The following MAP4K4 variants were observed in gnomAD, a reference collection of about 807,000 sequenced individuals.
MAP4K4 encodes HPK/GCK-like kinase HGK.
A neutral mutation model predicts 189.6 loss-of-function variants in MAP4K4; 38 were observed. The ratio of observed to expected loss-of-function variants is 0.20; its 90% CI spans 0.15 to 0.26. The LOEUF is 0.26. Ranked by LOEUF, MAP4K4 falls within the 10% of genes least tolerant of loss-of-function variation. The pLI, the probability that MAP4K4 is intolerant of heterozygous loss-of-function variation, is 1.00. For missense variants in MAP4K4, 1,054 were observed against 1,726.9 expected, an observed-to-expected ratio of 0.61 and a Z score of 6.91; for synonymous variants, 610 against 624.3, an observed-to-expected ratio of 0.98 and a Z score of 0.34.
chr2:101,836,522 AG>A (rs2096759889), intron 9 of MAP4K4, among the ~76,000 whole-genome samples: 1 of 151,952 alleles, frequency 6.6e-6, no homozygotes, highest in Admixed American at 6.6e-5. Flanking sequence ...CAGAAGGCAG[AG>A]GTTGTGGTGA....
intron 9 of MAP4K4, among the ~76,000 whole-genome samples, chr2:101,838,089 A>G (rs892905697): frequency 6.6e-6 from 1 of 152,242 alleles, no homozygotes; most frequent in Non-Finnish European, 1.5e-5. Flanking sequence ...AAAGATGATC[A>G]GTGTCCTTCT....
At chr2:101,737,384 A>G (rs2060630556) in intron 2 of MAP4K4, among the ~76,000 whole-genome samples, 1 of 133,168 alleles carries the variant, frequency 7.5e-6, no homozygotes, top group Non-Finnish European at 1.6e-5. Context: ...AATGCACAGT[A>G]TTGCTCCAGA....
intron 3 of MAP4K4, among the ~76,000 whole-genome samples, chr2:101,818,801 T>C (rs1384738486): frequency 6.6e-6 from 1 of 152,114 alleles, no homozygotes. Flanking sequence ...ACAAAGGCCT[T>C]TTCTGTGAGG....
chr2:101,830,001 CTT>C (rs978288047), intron 6 of MAP4K4, among the ~76,000 whole-genome samples: 1 of 152,006 alleles, frequency 6.6e-6, no homozygotes, highest in Non-Finnish European at 1.5e-5. Flanking sequence ...CAGTCACTGT[CTT>C]TTTTTTCTTT....
intron 2 of MAP4K4, among the ~76,000 whole-genome samples, chr2:101,777,552 A>G (rs2084912269): frequency 1.3e-5 from 2 of 152,206 alleles, no homozygotes; most frequent in African/African-American, 4.8e-5. Context: ...CTCTACCCAA[A>G]TGACAAGGTA....
intron 2 of MAP4K4, among the ~76,000 whole-genome samples, chr2:101,702,395 C>T (rs1397384084): frequency 1.3e-5 from 2 of 151,878 alleles, no homozygotes; most frequent in South Asian, 2.1e-4. Context: ...GGTGAAACCC[C>T]GTTTCTACTA....
At chr2:101,806,998 T>G (rs2095005430) in intron 3 of MAP4K4, among the ~76,000 whole-genome samples, 1 of 151,952 alleles carries the variant, frequency 6.6e-6, no homozygotes, top group Non-Finnish European at 1.5e-5. Flanking sequence ...GTAGTGTTGG[T>G]TCATAGCTTC....
intron 3 of MAP4K4, among the ~76,000 whole-genome samples, chr2:101,804,664 G>A (rs1337090862): frequency 6.6e-6 from 1 of 152,140 alleles, no homozygotes; most frequent in African/African-American, 2.4e-5. Context: ...TGCTGTAGCA[G>A]TGTGGCTGAC....
At chr2:101,802,324 C>G (rs1484719363) in intron 3 of MAP4K4, among the ~76,000 whole-genome samples, 1 of 152,200 alleles carries the variant, frequency 6.6e-6, no homozygotes, top group African/African-American at 2.4e-5. Context: ...ACTGTAGCAG[C>G]TGACTGAAGC....
intron 12 of MAP4K4, among the ~76,000 whole-genome samples, chr2:101,849,651 G>A (rs2097217534): frequency 6.9e-6 from 1 of 144,482 alleles, no homozygotes; most frequent in East Asian, 2.0e-4. Context: ...ATTGAATCAT[G>A]GTTTGGCATC....
intron 2 of MAP4K4, among the ~76,000 whole-genome samples, chr2:101,741,782 A>G (rs2062952318): frequency 6.6e-6 from 1 of 152,146 alleles, no homozygotes; most frequent in Non-Finnish European, 1.5e-5. Flanking sequence ...CTTTTCTAGC[A>G]TTTACCAGCT....
chr2:101,890,822 G>A (rs1158255344), intron 32 of MAP4K4, among the ~76,000 whole-genome samples: 1 of 151,722 alleles, frequency 6.6e-6, no homozygotes, highest in East Asian at 1.9e-4. Context: ...ATGCAGTGGT[G>A]TGACCTTGGC....
intron 3 of MAP4K4, among the ~76,000 whole-genome samples, chr2:101,802,343 C>G (rs2094449844): frequency 6.6e-6 from 1 of 152,180 alleles, no homozygotes; most frequent in African/African-American, 2.4e-5. Context: ...GCTTGGGAAA[C>G]AAAGTCAGAA....
intron 20 of MAP4K4, chr2:101,867,597 A>G: frequency 5.8e-6 from 2 of 346,550 alleles, no homozygotes; most frequent in Non-Finnish European, 1.0e-5. Context: ...TATAGTTCTT[A>G]TTTAATGAAA....
At chr2:101,868,132 A>G in intron 21 of MAP4K4, 95 bp downstream of exon 21, 2 of 1,339,942 alleles carry the variant, frequency 1.5e-6, no homozygotes, top group Non-Finnish European at 2.1e-6. Flanking sequence ...CTCCTTCCTC[A>G]ACTTGACTTC....
At chr2:101,828,601 C>A (rs777164800) in intron 5 of MAP4K4, among the ~76,000 whole-genome samples, 8 of 152,154 alleles carry the variant, frequency 5.3e-5, no homozygotes, top group Non-Finnish European at 1.2e-4. Context: ...TAATTCATAT[C>A]TTACAAAGTA....
intron 5 of MAP4K4, 88 bp from the exon 6 acceptor site, chr2:101,829,416 C>T (rs1448687170): frequency 1.2e-6 from 1 of 826,484 alleles, no homozygotes; most frequent in Non-Finnish European, 2.0e-6. Flanking sequence ...CTTTGGTCCA[C>T]ATGTGCACTT....
chr2:101,712,489 T>G (rs560900153), intron 2 of MAP4K4, among the ~76,000 whole-genome samples: 5 of 149,990 alleles, frequency 3.3e-5, no homozygotes, highest in African/African-American at 1.2e-4. Context: ...CCACTGTGCC[T>G]GGCCCTATTT....
intron 12 of MAP4K4, among the ~76,000 whole-genome samples, chr2:101,850,167 G>A (rs536615483): frequency 1.8e-4 from 27 of 152,136 alleles, no homozygotes; most frequent in Non-Finnish European, 2.4e-4. Context: ...TCCACCAAGA[G>A]GACACAGAGT....
Sources: gnomAD v4.1 joint callset for allele counts (sites outside exome capture counted in the v4.1 genomes callset) on GRCh38, gnomAD v4.1.1 for gene constraint, MANE v1.5 for transcripts, NCBI Gene and HGNC (gene_info 2026-07-23, HGNC 2026-07-21) for gene names.